TSPAN5: variants seen among roughly 807,000 people sequenced by gnomAD.
TSPAN5 encodes tetraspanin-5.
TSPAN5 carries 10 observed loss-of-function variants against 37.1 expected under a neutral mutation model. The ratio of observed to expected loss-of-function variants is 0.27; its 90% CI spans 0.17 to 0.46. TSPAN5 has a LOEUF of 0.46. Among genes scored for constraint, TSPAN5 ranks in the 20% least tolerant of loss-of-function variants. The pLI, the probability that TSPAN5 is intolerant of heterozygous loss-of-function variation, is 1.00. For missense variants in TSPAN5, 195 were observed against 326.6 expected (o/e 0.60, Z 3.11); for synonymous variants, 110 against 118.9 (o/e 0.93, Z 0.48).
chr4:98,529,604 T>G (rs1046216824), intron 1 of TSPAN5, among the ~76,000 whole-genome samples: 2 of 152,124 alleles, frequency 1.3e-5, no homozygotes, highest in Non-Finnish European at 2.9e-5. Context: ...TGGACTAGAG[T>G]TGCTACCTAC....
At position 98,644,610 on chromosome 4, in the gene TSPAN5, G is replaced by A. The variant is rs986465799; in HGVS notation, c.81+13536C>T. ...GCTGGTGCGCTGCACCCACTAACTC[G>A]TCATTGAACAATGAAAAGCACCCTA... On this transcript the variant is annotated intron_variant, in intron 1 of 7. Coordinates refer to ENST00000305798, the MANE Select transcript of TSPAN5 (RefSeq NM_005723.4). 5.3e-5 allele frequency among the ~76,000 whole-genome samples: 8 copies of A among 151,886 alleles called. No homozygotes were observed. The East Asian group carries it at 5.8e-4, about 11-fold the overall frequency.
intron 1 of TSPAN5, among the ~76,000 whole-genome samples, chr4:98,547,614 G>A (rs780536155): frequency 2.6e-5 from 4 of 152,150 alleles, no homozygotes; most frequent in African/African-American, 4.8e-5. Flanking sequence ...ACTATTTTCT[G>A]TCAGTGTTAA....
chr4:98,580,038 T>C (rs1020629215), intron 1 of TSPAN5, among the ~76,000 whole-genome samples: 1 of 152,218 alleles, frequency 6.6e-6, no homozygotes, highest in Non-Finnish European at 1.5e-5. Context: ...CTTTCTCTTC[T>C]TATTAGTGAT....
Position 98,603,915 on chromosome 4 carries a change from T to C in TSPAN5, c.81+54231A>G, listed in dbSNP as rs529271366. Among the ~76,000 whole-genome samples, 8 of 152,282 alleles carry C rather than the reference T, an allele frequency of 5.3e-5. No homozygotes were observed. The South Asian group carries it at 1.2e-3, about 24-fold the overall frequency. On this transcript the variant is annotated intron_variant, in intron 1 of 7. Transcript: ENST00000305798. ...CTAATCACTTCCGAGTTATGCAGAC[T>C]CTAAGACAGCCCGATCCTAATGGAC...
At chr4:98,615,376 C>T (rs999337337) in intron 1 of TSPAN5, among the ~76,000 whole-genome samples, 1 of 152,206 alleles carries the variant, frequency 6.6e-6, no homozygotes, top group African/African-American at 2.4e-5. Flanking sequence ...AGGTTGTCAT[C>T]GCCCCTTCTT....
intron 1 of TSPAN5, among the ~76,000 whole-genome samples, chr4:98,617,869 G>T (rs1020582511): frequency 1.3e-5 from 2 of 152,224 alleles, no homozygotes; most frequent in Non-Finnish European, 1.5e-5. Context: ...ATCCATGCCA[G>T]TTCAAGGTCT....
chr4:98,645,711 G>A (rs1348467617), intron 1 of TSPAN5, among the ~76,000 whole-genome samples: 1 of 152,166 alleles, frequency 6.6e-6, no homozygotes, highest in African/African-American at 2.4e-5. Context: ...AGGAGGACCA[G>A]GAAGTAACAT....
chr4:98,537,814 T>C (rs2110137602), intron 1 of TSPAN5, among the ~76,000 whole-genome samples: 1 of 152,360 alleles, frequency 6.6e-6, no homozygotes, highest in East Asian at 1.9e-4. Context: ...CTAAATGCAT[T>C]GATCCTACAA....
intron 2 of TSPAN5, among the ~76,000 whole-genome samples, chr4:98,489,205 C>A (rs531610752): frequency 6.6e-6 from 1 of 152,146 alleles, no homozygotes; most frequent in Non-Finnish European, 1.5e-5. Flanking sequence ...TACTGAGAGA[C>A]AGGACTAGCT....
chr4:98,547,320 C>T (rs1331522282), intron 1 of TSPAN5, among the ~76,000 whole-genome samples: 2 of 152,166 alleles, frequency 1.3e-5, no homozygotes, highest in Non-Finnish European at 2.9e-5. Flanking sequence ...CCTTTCCTTC[C>T]AAGTGGCGAG....
intron 1 of TSPAN5, among the ~76,000 whole-genome samples, chr4:98,572,651 A>G (rs1043970342): frequency 1.3e-5 from 2 of 152,276 alleles, no homozygotes; most frequent in Non-Finnish European, 2.9e-5. Context: ...GGAACCCCTC[A>G]GCTATCTGAA....
At chr4:98,638,287 G>C (rs1297086095) in intron 1 of TSPAN5, among the ~76,000 whole-genome samples, 1 of 152,248 alleles carries the variant, frequency 6.6e-6, no homozygotes, top group Non-Finnish European at 1.5e-5. Flanking sequence ...AGATGCCTTG[G>C]TCTCCCTTGG....
intron 7 of TSPAN5, among the ~76,000 whole-genome samples, chr4:98,472,804 C>G (rs1246197507): frequency 6.6e-6 from 1 of 152,142 alleles, no homozygotes; most frequent in Non-Finnish European, 1.5e-5. Flanking sequence ...CATTTCATTA[C>G]CCCAAAAAGA....
intron 1 of TSPAN5, among the ~76,000 whole-genome samples, chr4:98,592,125 A>C (rs968866837): frequency 6.6e-6 from 1 of 151,268 alleles, no homozygotes; most frequent in Non-Finnish European, 1.5e-5. Context: ...AAATAGTGTT[A>C]TAACAACTAG....
intron 1 of TSPAN5, among the ~76,000 whole-genome samples, chr4:98,632,030 C>T (rs1007338876): frequency 1.3e-5 from 2 of 152,158 alleles, no homozygotes; most frequent in Non-Finnish European, 2.9e-5. Context: ...AAACACACGA[C>T]TAAAACCAGC....
At chr4:98,561,947 A>G (rs1324145371) in intron 1 of TSPAN5, among the ~76,000 whole-genome samples, 1 of 152,222 alleles carries the variant, frequency 6.6e-6, no homozygotes, top group African/African-American at 2.4e-5. Context: ...GGGCAGGCAC[A>G]TTCCAGCAAA....
intron 5 of TSPAN5, among the ~76,000 whole-genome samples, chr4:98,477,250 TCTG>T (rs1284957491): frequency 6.6e-6 from 1 of 152,238 alleles, no homozygotes; most frequent in African/African-American, 2.4e-5. Flanking sequence ...GAGTGGGCAC[TCTG>T]CTGCCATGTG....
At chr4:98,505,716 C>T (rs1478397356) in intron 2 of TSPAN5, among the ~76,000 whole-genome samples, 3 of 152,208 alleles carry the variant, frequency 2.0e-5, no homozygotes, top group Non-Finnish European at 4.4e-5. Flanking sequence ...CCCTCATTGT[C>T]GTATTCCCCA....
chr4:98,485,308 T>TC (rs2110262744), intron 3 of TSPAN5: 1 of 152,434 alleles, frequency 6.6e-6, no homozygotes, highest in Non-Finnish European at 1.5e-5. Context: ...GACAGAGCTC[T>TC]CCTGGGGGCT....
Sources: allele counts gnomAD v4.1 joint callset (sites outside exome capture counted in the v4.1 genomes callset), GRCh38; gene constraint gnomAD v4.1.1; transcripts MANE v1.5; gene names NCBI Gene and HGNC (gene_info 2026-07-23, HGNC 2026-07-21).